The following GPHN variants were observed in gnomAD, a reference collection of about 807,000 sequenced individuals.
GPHN encodes the protein gephyrin.
A neutral mutation model predicts 95.5 loss-of-function variants in GPHN; 17 were observed. That is an observed-to-expected ratio of 0.18 (90% CI 0.12 to 0.27). The LOEUF is 0.27. GPHN is among the 10% of genes least tolerant of loss of function. GPHN has a pLI of 1.00. For missense variants in GPHN, 660 were observed against 978.1 expected, an observed-to-expected ratio of 0.67 and a Z score of 4.34; for synonymous variants, 320 against 322.5, an observed-to-expected ratio of 0.99 and a Z score of 0.08.
At chr14:67,473,913 G>C in the GPHN span, 1 of 1,603,396 alleles carries the variant, frequency 6.2e-7, no homozygotes, top group Non-Finnish European at 8.5e-7. This position sits in a 1 kb window ranked among gnomAD's most constrained non-coding sequence, Gnocchi z 6.5. Flanking sequence ...CAGGGGCTCG[G>C]CAGACGCCAT....
the GPHN span, chr14:67,574,532 A>C: frequency 1.5e-6 from 1 of 689,396 alleles, no homozygotes; most frequent in South Asian, 2.8e-5. The surrounding 1 kb of genome is among the most constrained non-coding windows in gnomAD (Gnocchi z 4.2). Context: ...CCTCACAGTG[A>C]CTCGCTGGCC....
At chr14:66,694,142 T>C (rs958131908) in intron 2 of GPHN, among the ~76,000 whole-genome samples, 5 of 152,088 alleles carry the variant, frequency 3.3e-5, no homozygotes, top group Non-Finnish European at 7.4e-5. Flanking sequence ...GATGAGGCCT[T>C]TGGGAGGTGA....
intron 10 of GPHN, among the ~76,000 whole-genome samples, chr14:67,047,501 G>T (rs144372239): frequency 2.3e-4 from 35 of 151,902 alleles, no homozygotes; most frequent in African/African-American, 8.4e-4. Flanking sequence ...GAGTAGCTGG[G>T]ACTACAGGCT....
the GPHN span, among the ~76,000 whole-genome samples, chr14:67,478,255 A>C: frequency 6.6e-6 from 1 of 152,158 alleles, no homozygotes; most frequent in African/African-American, 2.4e-5. Flanking sequence ...CTAGCTGTAC[A>C]AGTGTGGTTC....
At chr14:67,109,504 G>A (rs953051006) in intron 13 of GPHN, among the ~76,000 whole-genome samples, 2 of 151,998 alleles carry the variant, frequency 1.3e-5, no homozygotes, top group African/African-American at 4.8e-5. Context: ...TGAAAATCTT[G>A]TTTTTCATTT....
At chr14:66,619,805 A>C (rs1457687552) in intron 1 of GPHN, among the ~76,000 whole-genome samples, 1 of 152,188 alleles carries the variant, frequency 6.6e-6, no homozygotes, top group African/African-American at 2.4e-5. Context: ...AGTATGTAGA[A>C]ATACAATTGA....
the GPHN span, among the ~76,000 whole-genome samples, chr14:67,539,360 G>A: frequency 6.6e-6 from 1 of 152,210 alleles, no homozygotes; most frequent in East Asian, 1.9e-4. Context: ...ACAATGCAGG[G>A]ATTGTTTAGA....
At chr14:67,081,610 C>T (rs954555232) in intron 11 of GPHN, among the ~76,000 whole-genome samples, 5 of 152,088 alleles carry the variant, frequency 3.3e-5, no homozygotes, top group African/African-American at 1.2e-4. Context: ...TAATTAAGTC[C>T]CACCTATTTA....
chr14:67,187,122 G>A, the GPHN span, among the ~76,000 whole-genome samples: 1 of 152,094 alleles, frequency 6.6e-6, no homozygotes, highest in Admixed American at 6.6e-5. Context: ...CAAATATACA[G>A]GCTCTTGAGG....
At chr14:67,734,076 G>A in the GPHN span, 2 of 408,096 alleles carry the variant, frequency 4.9e-6, no homozygotes, top group African/African-American at 2.0e-5. Flanking sequence ...TCTAAGACCT[G>A]GAAAGTCAGC....
At chr14:66,965,351 C>G in intron 9 of GPHN, 26 bp downstream of exon 9, 2 of 1,605,502 alleles carry the variant, frequency 1.2e-6, no homozygotes, top group South Asian at 1.1e-5. Context: ...TCGCATCTTA[C>G]ACCTGCTCTT....
At chr14:67,322,952 T>G in the GPHN span, among the ~76,000 whole-genome samples, 1 of 152,208 alleles carries the variant, frequency 6.6e-6, no homozygotes, top group African/African-American at 2.4e-5. Context: ...TTGAATTGTC[T>G]TGCACATGTG....
the GPHN span, among the ~76,000 whole-genome samples, chr14:67,379,654 C>CTTTTTTTTTTTTTTTTTTTTTT: frequency 8.3e-6 from 1 of 119,956 alleles, no homozygotes; most frequent in Non-Finnish European, 1.6e-5. Context: ...TTTTCTTTTT[C>CTTTTTTTTTTTTTTTTTTTTTT]TTTTTTTTTT....
intron 5 of GPHN, among the ~76,000 whole-genome samples, chr14:66,905,897 G>T (rs2153551748): frequency 6.6e-6 from 1 of 152,182 alleles, no homozygotes; most frequent in Non-Finnish European, 1.5e-5. Context: ...TTGCTGCAGA[G>T]GACATGATTT....
chr14:67,253,066 C>T, the GPHN span, among the ~76,000 whole-genome samples: 3 of 152,200 alleles, frequency 2.0e-5, no homozygotes, highest in Non-Finnish European at 2.9e-5. Context: ...CTATCACTGA[C>T]TTACAGTACT....
chr14:67,480,280 C>T, the GPHN span, among the ~76,000 whole-genome samples: 1 of 152,088 alleles, frequency 6.6e-6, no homozygotes, highest in Non-Finnish European at 1.5e-5. Context: ...AGGTCTTCAT[C>T]ACAACCCTGA....
the GPHN span, among the ~76,000 whole-genome samples, chr14:67,430,212 A>G: frequency 6.6e-6 from 1 of 152,184 alleles, no homozygotes; most frequent in Non-Finnish European, 1.5e-5. Flanking sequence ...CTTGGATGAC[A>G]TGGACCCAGA....
At chr14:67,228,126 T>G in the GPHN span, among the ~76,000 whole-genome samples, 1 of 149,568 alleles carries the variant, frequency 6.7e-6, no homozygotes, top group Non-Finnish European at 1.5e-5. Flanking sequence ...GCCGAGATTG[T>G]GCCACTGCAC....
At chr14:67,662,945 C>T in the GPHN span, 1 of 1,287,884 alleles carries the variant, frequency 7.8e-7, no homozygotes, top group East Asian at 3.2e-5. Flanking sequence ...TAGTGACTCT[C>T]TGAAACCCCT....
Sources: gnomAD v4.1 joint callset for allele counts (sites outside exome capture counted in the v4.1 genomes callset) on GRCh38, gnomAD v4.1.1 for gene constraint, Gnocchi (gnomAD v3.1) non-coding constraint, MANE v1.5 for transcripts, NCBI Gene and HGNC (gene_info 2026-07-23, HGNC 2026-07-21) for gene names.